LRRTM3: variants seen among roughly 807,000 people sequenced by gnomAD.
LRRTM3 encodes leucine-rich repeat transmembrane neuronal protein 3.
LRRTM3 carries 24 observed loss-of-function variants against 44.7 expected under a neutral mutation model. The ratio of observed to expected loss-of-function variants is 0.54; its 90% CI spans 0.39 to 0.76. The LOEUF (loss-of-function observed/expected upper bound fraction) is 0.76. Among genes scored for constraint, LRRTM3 ranks in the 30% least tolerant of loss-of-function variants. The pLI, the probability that LRRTM3 is intolerant of heterozygous loss-of-function variation, is 0.00. For missense variants in LRRTM3, 587 were observed against 702.2 expected (o/e 0.84, Z 1.85); for synonymous variants, 277 against 278.7 (o/e 0.99, Z 0.06).
chr10:67,097,574 C>A lies in LRRTM3; in HGVS notation c.1537-13C>A. The A allele has an allele frequency of 1.2e-6, 2 of 1,609,998 alleles. No individual in the cohort carries two copies. The highest frequency in any genetic ancestry group is 2.2e-5 in the South Asian group (2 of 90,942). On this transcript the variant is annotated splice_polypyrimidine_tract_variant and intron_variant, in intron 2 of 2. Coordinates refer to ENST00000361320, the MANE Select transcript of LRRTM3 (RefSeq NM_178011.5). ...TTTTTATAACTGACTTTTCTCATGT[C>A]ATTTTTCCCCAGATACCTTTATCAA...
intron 2 of LRRTM3, among the ~76,000 whole-genome samples, chr10:66,971,690 G>A (rs976245206): frequency 1.3e-5 from 2 of 152,000 alleles, no homozygotes; most frequent in Non-Finnish European, 2.9e-5. Context: ...AACAGGTAAG[G>A]GTATAAACCA....
chr10:67,078,305 C>G (rs1856840351), intron 2 of LRRTM3, among the ~76,000 whole-genome samples: 1 of 152,174 alleles, frequency 6.6e-6, no homozygotes, highest in Non-Finnish European at 1.5e-5. Flanking sequence ...TGCCTACTAA[C>G]TGGCCAAGGT....
At chr10:67,052,018 G>C (rs772575530) in intron 2 of LRRTM3, among the ~76,000 whole-genome samples, 18 of 152,232 alleles carry the variant, frequency 1.2e-4, no homozygotes, top group Non-Finnish European at 2.2e-4. Context: ...GCCTCCCAAA[G>C]TGCTGGGATT....
intron 2 of LRRTM3, among the ~76,000 whole-genome samples, chr10:67,059,740 A>G (rs965715462): frequency 6.6e-6 from 1 of 152,158 alleles, no homozygotes; most frequent in Admixed American, 6.5e-5. Context: ...AAATCTGAAA[A>G]TGCATAATGA....
chr10:66,999,767 T>A (rs530769186), intron 2 of LRRTM3, among the ~76,000 whole-genome samples: 1 of 152,334 alleles, frequency 6.6e-6, no homozygotes, highest in South Asian at 2.1e-4. Flanking sequence ...CAATTTATCT[T>A]AGTTGAATTT....
rs146764802 is a variant in LRRTM3, at chr10:66,928,001, G to A, written c.1085G>A (p.Gly362Asp). Residue 362 changes from glycine (G) to aspartate (D), a missense_variant, in exon 2 of 3, where the codon GGC (glycine) becomes GAC (aspartate). Transcript: ENST00000361320. ...GCAGTGAAGAACTACAGCATCTGTG[G>A]CAAAAGTACTACAGAGAGGTTTGAT... Reference protein sequence around the residue: ...IDAVKNYSICGKSTTERFDLA... With the variant: ...IDAVKNYSICDKSTTERFDLA... 176 of 1,614,074 alleles carry A rather than the reference G, an allele frequency of 1.1e-4. No individual in the cohort carries two copies. Among genetic ancestry groups the A allele is most frequent in the Admixed American group, 2.2e-4 (13 of 60,012 alleles).
chr10:67,044,042 C>G (rs1854574337), intron 2 of LRRTM3, among the ~76,000 whole-genome samples: 1 of 151,880 alleles, frequency 6.6e-6, no homozygotes, highest in Admixed American at 6.6e-5. Context: ...GATCCCATCA[C>G]CCAGGTAGTA....
intron 2 of LRRTM3, among the ~76,000 whole-genome samples, chr10:66,990,999 T>A (rs534157162): frequency 1.3e-5 from 2 of 152,240 alleles, no homozygotes; most frequent in East Asian, 3.9e-4. Context: ...AACATTTTGG[T>A]GAAACAAATA....
intron 2 of LRRTM3, among the ~76,000 whole-genome samples, chr10:66,945,253 A>G (rs764762164): frequency 1.3e-5 from 2 of 152,238 alleles, no homozygotes; most frequent in Non-Finnish European, 2.9e-5. Flanking sequence ...CAATTATCTT[A>G]GCTAGATCTT....
At chr10:67,012,870 G>A (rs1374342089) in intron 2 of LRRTM3, 1 of 152,004 alleles carries the variant, frequency 6.6e-6, no homozygotes, top group Admixed American at 6.6e-5. Context: ...TGGGAAAAAT[G>A]TTACAGCTCC....
At chr10:66,967,690 G>A (rs1039718273) in intron 2 of LRRTM3, among the ~76,000 whole-genome samples, 6 of 151,958 alleles carry the variant, frequency 3.9e-5, no homozygotes, top group African/African-American at 1.2e-4. Flanking sequence ...AAAAATGAAC[G>A]TTCTAAAAAT....
intron 2 of LRRTM3, among the ~76,000 whole-genome samples, chr10:67,036,038 G>T (rs1279419776): frequency 6.6e-6 from 1 of 152,134 alleles, no homozygotes; most frequent in African/African-American, 2.4e-5. Flanking sequence ...TATGGCTACT[G>T]AATTTGCATC....
In LRRTM3 at chr10:67,003,487, G is replaced by A. The variant is rs555949395; in HGVS notation, c.1536+75035G>A. Among the ~76,000 whole-genome samples, 14 of 152,242 alleles carry A rather than the reference G, an allele frequency of 9.2e-5. No individual in the cohort carries two copies. The South Asian group carries it at 1.5e-3, about 16-fold the overall frequency. On this transcript the variant is annotated intron_variant, in intron 2 of 2. Coordinates refer to ENST00000361320, the MANE Select transcript of LRRTM3 (RefSeq NM_178011.5). ...AGGTTCCAAGATCGAATACTTTTGG[G>A]AAACTTTGCATACTATATTCCCAAT... is the stretch of plus-strand genomic sequence containing the variant.
intron 2 of LRRTM3, among the ~76,000 whole-genome samples, chr10:66,962,912 G>A (rs988919972): frequency 3.3e-5 from 5 of 152,058 alleles, no homozygotes; most frequent in Non-Finnish European, 7.4e-5. Context: ...ATTTTTGCCT[G>A]GTATGTTCAC....
At chr10:66,944,629 A>G (rs529048518) in intron 2 of LRRTM3, among the ~76,000 whole-genome samples, 1 of 152,316 alleles carries the variant, frequency 6.6e-6, no homozygotes, top group East Asian at 1.9e-4. Flanking sequence ...TATCCAAGGC[A>G]GCATGAGACT....
intron 2 of LRRTM3, among the ~76,000 whole-genome samples, chr10:67,066,795 A>T (rs1049633583): frequency 6.6e-6 from 1 of 152,218 alleles, no homozygotes; most frequent in Non-Finnish European, 1.5e-5. Flanking sequence ...ACTTAGACAC[A>T]TCTCTTCTAG....
intron 2 of LRRTM3, among the ~76,000 whole-genome samples, chr10:66,929,809 T>G (rs12219173): frequency 0.019 from 2,839 of 152,326 alleles, 101 homozygotes; most frequent in East Asian, 0.18. Flanking sequence ...ACGAATATCA[T>G]AGCTTCCATA....
chr10:67,045,720 C>T (rs530801669), intron 2 of LRRTM3, among the ~76,000 whole-genome samples: 55 of 152,266 alleles, frequency 3.6e-4, no homozygotes, highest in East Asian at 2.3e-3. Flanking sequence ...GACCGACATC[C>T]GAGACCAGCC....
chr10:67,052,341 TCTCTC>T (rs759931498), intron 2 of LRRTM3, among the ~76,000 whole-genome samples: 1 of 151,578 alleles, frequency 6.6e-6, no homozygotes, highest in African/African-American at 2.4e-5. Flanking sequence ...TCTCTCTCTC[TCTCTC>T]TCTCTCTCAT....
Sources: gnomAD v4.1 joint callset for allele counts (sites outside exome capture counted in the v4.1 genomes callset) on GRCh38, gnomAD v4.1.1 for gene constraint, MANE v1.5 for transcripts, NCBI Gene and HGNC (gene_info 2026-07-23, HGNC 2026-07-21) for gene names.